FGF13: variants seen among roughly 807,000 people sequenced by gnomAD.
FGF13 encodes fibroblast growth factor homologous factor 2.
FGF13 carries 2 observed loss-of-function variants against 19.5 expected under a neutral mutation model. The observed-to-expected ratio is 0.10, with a 90% confidence interval of 0.04 to 0.32. The LOEUF is 0.32. FGF13 is among the 10% of genes least tolerant of loss of function. The probability of loss-of-function intolerance (pLI) is 1.00; values close to 1 mark genes in which losing one functional copy is unlikely to be tolerated. For missense variants in FGF13, 113 were observed against 192.7 expected (o/e 0.59, Z 2.45); for synonymous variants, 72 against 76.9 (o/e 0.94, Z 0.33).
At chrX:138,972,396 G>A (rs1209142196) in intron 1 of FGF13, among the ~76,000 whole-genome samples, 7 of 95,569 alleles carry the variant, frequency 7.3e-5, no homozygotes, top group South Asian at 5.2e-4. Flanking sequence ...TTGCTTTGTC[G>A]CCCAGGCTGG....
intron 1 of FGF13, among the ~76,000 whole-genome samples, chrX:138,902,879 A>G (rs1449433887): frequency 1.8e-5 from 2 of 111,690 alleles, no homozygotes; most frequent in Non-Finnish European, 3.8e-5. Context: ...ACATTTGACT[A>G]AACATTCTTA....
intron 3 of FGF13, among the ~76,000 whole-genome samples, chrX:138,768,572 T>A (rs2090518470): frequency 9.2e-6 from 1 of 109,116 alleles, no homozygotes; most frequent in African/African-American, 3.3e-5. Context: ...AATTAAAATA[T>A]GTCATTCCTA....
intron 1 of FGF13, among the ~76,000 whole-genome samples, chrX:138,991,875 T>C (rs1393916419): frequency 8.9e-6 from 1 of 111,802 alleles, no homozygotes; most frequent in African/African-American, 3.2e-5. Context: ...CTGTGCTAGA[T>C]AGTTGAAAAA....
chrX:139,016,682 G>A (rs1286004073), intron 1 of FGF13, among the ~76,000 whole-genome samples: 1 of 111,531 alleles, frequency 9.0e-6, no homozygotes, highest in East Asian at 2.9e-4. Context: ...TACTTGAGAT[G>A]ACAGTCTGTG....
intron 1 of FGF13, among the ~76,000 whole-genome samples, chrX:139,170,770 C>A (rs1037214092): frequency 5.4e-5 from 6 of 111,688 alleles, no homozygotes; most frequent in African/African-American, 2.0e-4. Flanking sequence ...CTAGCTAATT[C>A]TCTGGATATG....
At chrX:138,818,499 G>GACACACACACACACAC (rs371760908) in intron 3 of FGF13, among the ~76,000 whole-genome samples, 7 of 84,789 alleles carry the variant, frequency 8.3e-5, no homozygotes, top group African/African-American at 2.2e-4. Context: ...TATATGCACA[G>GACACACACACACACAC]ACACACACAC....
intron 1 of FGF13, among the ~76,000 whole-genome samples, chrX:139,036,376 ACTT>A (rs1304365135): frequency 9.0e-6 from 1 of 111,136 alleles, no homozygotes; most frequent in South Asian, 3.8e-4. Context: ...CTACGTTTCT[ACTT>A]CTTCTTATCA....
intron 1 of FGF13, among the ~76,000 whole-genome samples, chrX:139,093,804 A>T (rs906819139): frequency 6.3e-5 from 7 of 111,903 alleles, no homozygotes; most frequent in Admixed American, 1.9e-4. Flanking sequence ...AACACCCCCC[A>T]TATAACTGAG....
chrX:138,668,831 T>C (rs1476899422), intron 3 of FGF13, among the ~76,000 whole-genome samples: 1 of 110,501 alleles, frequency 9.0e-6, no homozygotes, highest in African/African-American at 3.3e-5. Context: ...AATGAAAAAG[T>C]TGACCAACCT....
intron 1 of FGF13, among the ~76,000 whole-genome samples, chrX:138,960,473 C>A (rs1424010715): frequency 9.0e-6 from 1 of 111,486 alleles, no homozygotes; most frequent in Non-Finnish European, 1.9e-5. Context: ...TCATTTCAAC[C>A]TTGGTGAAGC....
chrX:138,935,590 G>A (rs1188439598), intron 1 of FGF13, among the ~76,000 whole-genome samples: 1 of 111,707 alleles, frequency 9.0e-6, no homozygotes, highest in Non-Finnish European at 1.9e-5. Context: ...GTGAAAAATA[G>A]AGCACACGAG....
chrX:138,999,187 T>C (rs1342589033), intron 1 of FGF13, among the ~76,000 whole-genome samples: 1 of 111,884 alleles, frequency 8.9e-6, no homozygotes. Flanking sequence ...TTTAAAGCAA[T>C]GTGTAGAGGG....
intron 1 of FGF13, among the ~76,000 whole-genome samples, chrX:139,009,288 A>G (rs573278): frequency 0.099 from 11,003 of 110,941 alleles, 797 homozygotes; most frequent in African/African-American, 0.24. Context: ...ATCAAAATAC[A>G]AGAAGCTCAA....
At chrX:138,740,222 G>A (rs2090309610), upstream of FGF13, among the ~76,000 whole-genome samples, 1 of 111,255 alleles carries the variant, frequency 9.0e-6, no homozygotes, top group African/African-American at 3.3e-5. Flanking sequence ...GTGTGGCTCT[G>A]GGAAAACTGC....
downstream of FGF13, among the ~76,000 whole-genome samples, chrX:138,854,289 A>C (rs1326828343): frequency 8.9e-6 from 1 of 111,838 alleles, no homozygotes. Flanking sequence ...ACAGATTAAA[A>C]ATTTTTTTGG....
intron 1 of FGF13, among the ~76,000 whole-genome samples, chrX:138,892,000 A>ATGTGTG (rs200883636): frequency 4.3e-5 from 2 of 46,915 alleles, no homozygotes; most frequent in Admixed American, 3.2e-4. Flanking sequence ...CTATATATAC[A>ATGTGTG]TATGTGTGTG....
At chrX:138,828,056 C>T (rs1192604725) in intron 3 of FGF13, among the ~76,000 whole-genome samples, 3 of 111,829 alleles carry the variant, frequency 2.7e-5, no homozygotes, top group Non-Finnish European at 3.8e-5. Context: ...TTCAGAATAT[C>T]ATGTACAGTG....
At chrX:138,829,271 G>A (rs1230656589) in intron 3 of FGF13, among the ~76,000 whole-genome samples, 2 of 111,674 alleles carry the variant, frequency 1.8e-5, no homozygotes, top group Non-Finnish European at 3.8e-5. Flanking sequence ...GTAAGATGGG[G>A]CCTAGTAGAA....
At chrX:138,845,272 C>T (rs187806498) in intron 3 of FGF13, among the ~76,000 whole-genome samples, 144 of 111,461 alleles carry the variant, frequency 1.3e-3, no homozygotes, top group African/African-American at 4.6e-3. Flanking sequence ...TGTAATCTGT[C>T]TTATCATGCT....
Sources: gnomAD v4.1 joint callset for allele counts (sites outside exome capture counted in the v4.1 genomes callset) on GRCh38, gnomAD v4.1.1 for gene constraint, MANE v1.5 for transcripts, NCBI Gene and HGNC (gene_info 2026-07-23, HGNC 2026-07-21) for gene names.